BTBD9: variants seen among roughly 807,000 people sequenced by gnomAD.
The protein encoded by BTBD9 is BTB/POZ domain-containing protein 9.
A neutral mutation model predicts 64.3 loss-of-function variants in BTBD9; 49 were observed. The ratio of observed to expected loss-of-function variants is 0.76; its 90% CI spans 0.61 to 0.97. The LOEUF (loss-of-function observed/expected upper bound fraction) is 0.97, where lower values mean the gene tolerates loss of function less well. Among genes scored for constraint, BTBD9 ranks in the 50% least tolerant of loss-of-function variants. The pLI is 0.00. For missense variants in BTBD9, 598 were observed against 762.1 expected, an observed-to-expected ratio of 0.78 and a Z score of 2.53; for synonymous variants, 260 against 274.7, an observed-to-expected ratio of 0.95 and a Z score of 0.53.
At chr6:38,252,713 A>G (rs1764444669) in intron 9 of BTBD9, among the ~76,000 whole-genome samples, 1 of 152,256 alleles carries the variant, frequency 6.6e-6, no homozygotes, top group Admixed American at 6.5e-5. Flanking sequence ...GGATCTAATG[A>G]GTGAACAAGA....
chr6:38,311,771 A>G (rs1459673613), intron 7 of BTBD9, among the ~76,000 whole-genome samples: 1 of 152,134 alleles, frequency 6.6e-6, no homozygotes, highest in African/African-American at 2.4e-5. Flanking sequence ...GATAAAAGCT[A>G]TTTTAACTGG....
intron 7 of BTBD9, among the ~76,000 whole-genome samples, chr6:38,333,348 T>C (rs1173769800): frequency 6.6e-6 from 1 of 152,192 alleles, no homozygotes; most frequent in African/African-American, 2.4e-5. Flanking sequence ...GTGCAAGTAT[T>C]ACGAAGTGAA....
rs1021264218 is a variant in BTBD9 at position 38,254,882 on chromosome 6, T to A, written c.1562+1527A>T. Among the ~76,000 whole-genome samples, 8 of 152,310 alleles carry A rather than the reference T, an allele frequency of 5.3e-5. No homozygotes were observed. The East Asian group carries it at 1.5e-3, about 29-fold the overall frequency. ...CCTCAAAAAGTTAAACGCAGAGTTA[T>A]CCGATGACCCAGCAATTCTACTCTC... On this transcript the variant is annotated intron_variant, in intron 9 of 10. Transcript: ENST00000481247.
chr6:38,428,715 CTTTTT>C (rs1168857802), intron 6 of BTBD9, among the ~76,000 whole-genome samples: 1 of 138,210 alleles, frequency 7.2e-6, no homozygotes. Context: ...TTCGTTTTTT[CTTTTT>C]TTTTTTTTTT....
intron 7 of BTBD9, among the ~76,000 whole-genome samples, chr6:38,336,938 G>C (rs780541659): frequency 2.0e-5 from 3 of 152,052 alleles, no homozygotes; most frequent in Non-Finnish European, 2.9e-5. Flanking sequence ...ATAAATGTCT[G>C]CTTAATGCCA....
chr6:38,403,364 T>C (rs1438793376), intron 6 of BTBD9, among the ~76,000 whole-genome samples: 1 of 152,086 alleles, frequency 6.6e-6, no homozygotes, highest in African/African-American at 2.4e-5. Context: ...TTTTAAAAAA[T>C]CCAATTAAAC....
intron 8 of BTBD9, among the ~76,000 whole-genome samples, chr6:38,263,748 CCTA>C (rs1764872057): frequency 6.6e-6 from 1 of 152,164 alleles, no homozygotes; most frequent in African/African-American, 2.4e-5. Flanking sequence ...GGTTTCAAAA[CCTA>C]CTAGGGCCCT....
chr6:38,416,029 T>C (rs1372859904), intron 6 of BTBD9, among the ~76,000 whole-genome samples: 2 of 152,172 alleles, frequency 1.3e-5, no homozygotes, highest in African/African-American at 4.8e-5. Flanking sequence ...GCTAAGGCAC[T>C]ATACATTGCT....
At chr6:38,337,361 T>C (rs911143926) in intron 7 of BTBD9, among the ~76,000 whole-genome samples, 1 of 152,224 alleles carries the variant, frequency 6.6e-6, no homozygotes, top group Non-Finnish European at 1.5e-5. Context: ...ACTGTTACAA[T>C]CTCAAAATAG....
chr6:38,367,790 C>A (rs1765236235), intron 6 of BTBD9, among the ~76,000 whole-genome samples: 1 of 88,484 alleles, frequency 1.1e-5, no homozygotes. Context: ...AGTGTTGCAC[C>A]AGAAATGGCA....
chr6:38,570,065 G>A (rs985154613), intron 6 of BTBD9, among the ~76,000 whole-genome samples: 3 of 152,082 alleles, frequency 2.0e-5, no homozygotes, highest in Non-Finnish European at 2.9e-5. Context: ...CAAACAAACT[G>A]ACAAAACATA....
intron 6 of BTBD9, among the ~76,000 whole-genome samples, chr6:38,352,384 A>T (rs1026447153): frequency 3.3e-5 from 5 of 152,264 alleles, no homozygotes; most frequent in Middle Eastern, 6.8e-3. Context: ...CTGAAAAAAA[A>T]AAAAGAAAAA....
At chr6:38,450,418 G>A (rs1048643769) in intron 6 of BTBD9, among the ~76,000 whole-genome samples, 1 of 152,160 alleles carries the variant, frequency 6.6e-6, no homozygotes, top group African/African-American at 2.4e-5. Flanking sequence ...GATGTTATGT[G>A]TTCTCACTAC....
intron 6 of BTBD9, among the ~76,000 whole-genome samples, chr6:38,534,758 G>GA (rs1773948922): frequency 6.6e-6 from 1 of 152,020 alleles, no homozygotes; most frequent in Non-Finnish European, 1.5e-5. Flanking sequence ...TCAACAGAAT[G>GA]AGGACAAAAA....
At chr6:38,490,780 A>C (rs1771671121) in intron 6 of BTBD9, among the ~76,000 whole-genome samples, 1 of 152,230 alleles carries the variant, frequency 6.6e-6, no homozygotes, top group Non-Finnish European at 1.5e-5. Flanking sequence ...TGACAGGAGA[A>C]AACTTGCAGC....
chr6:38,541,189 T>TA (rs1008060550), intron 6 of BTBD9, among the ~76,000 whole-genome samples: 28 of 152,336 alleles, frequency 1.8e-4, no homozygotes, highest in Admixed American at 4.6e-4. Context: ...TCCCCTCATA[T>TA]AAAAAGCATG....
chr6:38,305,341 C>A (rs1762586809), intron 7 of BTBD9, among the ~76,000 whole-genome samples: 1 of 152,196 alleles, frequency 6.6e-6, no homozygotes, highest in African/African-American at 2.4e-5. Flanking sequence ...CCCTAAAAGT[C>A]TGCCCCACAT....
intron 9 of BTBD9, among the ~76,000 whole-genome samples, chr6:38,203,730 G>T (rs960536598): frequency 1.1e-4 from 17 of 152,032 alleles, no homozygotes; most frequent in Admixed American, 3.3e-4. Context: ...CAGAATGATA[G>T]ATGCCAAAGG....
chr6:38,222,208 A>C (rs905486374), intron 9 of BTBD9, among the ~76,000 whole-genome samples: 1 of 149,362 alleles, frequency 6.7e-6, no homozygotes, highest in Non-Finnish European at 1.5e-5. Context: ...TAAAAATCAT[A>C]TAGCTGAAGA....
Sources: gnomAD v4.1 joint callset for allele counts (sites outside exome capture counted in the v4.1 genomes callset) on GRCh38, gnomAD v4.1.1 for gene constraint, MANE v1.5 for transcripts, NCBI Gene and HGNC (gene_info 2026-07-23, HGNC 2026-07-21) for gene names.